SEMA3C: variants seen among roughly 807,000 people sequenced by gnomAD.
SEMA3C encodes semaphorin 3C.
A neutral mutation model predicts 89.4 loss-of-function variants in SEMA3C; 47 were observed. That is an observed-to-expected ratio of 0.53 (90% CI 0.42 to 0.67). The LOEUF is 0.67. Ranked by LOEUF, SEMA3C falls within the 30% of genes least tolerant of loss-of-function variation. SEMA3C has a pLI of 0.00. For missense variants in SEMA3C, 839 were observed against 929.1 expected (o/e 0.90, Z 1.26); for synonymous variants, 310 against 320.2 (o/e 0.97, Z 0.34).
At chr7:80,885,148 A>C (rs1436770289) in intron 2 of SEMA3C, among the ~76,000 whole-genome samples, 1 of 152,208 alleles carries the variant, frequency 6.6e-6, no homozygotes, top group Non-Finnish European at 1.5e-5. Context: ...ATAGTTTTGC[A>C]ACTCAGGATT....
chr7:80,904,568 C>T (rs1791961061), intron 2 of SEMA3C, among the ~76,000 whole-genome samples: 1 of 152,134 alleles, frequency 6.6e-6, no homozygotes, highest in Non-Finnish European at 1.5e-5. Flanking sequence ...AGAATCTCAA[C>T]TGTTGAGTAA....
At chr7:80,777,341 G>A (rs1235480114) in intron 12 of SEMA3C, among the ~76,000 whole-genome samples, 1 of 152,026 alleles carries the variant, frequency 6.6e-6, no homozygotes, top group South Asian at 2.1e-4. Context: ...ACCCAAGCTA[G>A]AGTACAGTGG....
At chr7:80,829,806 T>C (rs1054042015) in intron 2 of SEMA3C, among the ~76,000 whole-genome samples, 2 of 152,144 alleles carry the variant, frequency 1.3e-5, no homozygotes, top group South Asian at 2.1e-4. Context: ...AGCATAACTT[T>C]AGACTTTTCT....
intron 11 of SEMA3C, among the ~76,000 whole-genome samples, chr7:80,791,139 TGAACAGCG>T (rs1411613741): frequency 4.0e-5 from 6 of 151,888 alleles, no homozygotes; most frequent in African/African-American, 1.5e-4. Context: ...AAAGGACTGC[TGAACAGCG>T]TCAGCAGTTC....
chr7:80,766,499 C>A (rs1355524326), intron 12 of SEMA3C, among the ~76,000 whole-genome samples: 3 of 152,156 alleles, frequency 2.0e-5, no homozygotes, highest in African/African-American at 7.2e-5. Flanking sequence ...AGGGTGTACC[C>A]CAAATAGAGG....
At chr7:80,780,044 C>T (rs1788657029) in intron 12 of SEMA3C, among the ~76,000 whole-genome samples, 1 of 152,188 alleles carries the variant, frequency 6.6e-6, no homozygotes, top group Admixed American at 6.5e-5. Context: ...TTGATTACAA[C>T]CTTGTGATAC....
At position 80,752,082 on chromosome 7, in the gene SEMA3C, A is replaced by C. The variant is rs62460716; in HGVS notation, c.1644-746T>G. Among the ~76,000 whole-genome samples the C allele has an allele frequency of 9.9e-3, 1,503 of 152,326 alleles. 13 individuals are homozygous for C. Among genetic ancestry groups the C allele is most frequent in the Non-Finnish European group, 0.014 (979 of 68,022 alleles). The stretch of plus-strand genomic sequence containing the variant: ...TTAGAAAATAAGTTACAGATACAAT[A>C]ATGCTTCACCCGTAAGTGCTTTAGC... On this transcript the variant is annotated intron_variant, in intron 15 of 17. Transcript: ENST00000265361.
intron 2 of SEMA3C, among the ~76,000 whole-genome samples, chr7:80,832,988 C>T (rs1391430263): frequency 1.3e-5 from 2 of 152,092 alleles, no homozygotes; most frequent in Non-Finnish European, 2.9e-5. Context: ...TTTTTCCAAA[C>T]CATTATTTTT....
Position 80,909,025 on chromosome 7 carries a change from A to G in SEMA3C, c.103+7654T>C, listed in dbSNP as rs558780681. Among the ~76,000 whole-genome samples the G allele has an allele frequency of 7.4e-4, 113 of 152,280 alleles. 1 individual carries two copies. Among genetic ancestry groups the G allele is most frequent in the Middle Eastern group, 3.4e-3 (1 of 294 alleles). On this transcript the variant is annotated intron_variant, in intron 2 of 17. Coordinates refer to ENST00000265361, the MANE Select transcript of SEMA3C (RefSeq NM_006379.5). Reference sequence around the variant, plus strand: ...ATATACAAGAGAGTATACACTTAGGAAAGACTAAAACGGTATTCAAATATA... The same window carrying G: ...ATATACAAGAGAGTATACACTTAGGGAAGACTAAAACGGTATTCAAATATA...
chr7:80,818,899 G>A (rs1470851942), intron 4 of SEMA3C, among the ~76,000 whole-genome samples: 2 of 152,058 alleles, frequency 1.3e-5, no homozygotes, highest in East Asian at 3.9e-4. Context: ...AGTGGCTCAG[G>A]AATAGTCAAA....
chr7:80,843,800 CT>C (rs1260935956), intron 2 of SEMA3C, among the ~76,000 whole-genome samples: 1 of 152,030 alleles, frequency 6.6e-6, no homozygotes, highest in African/African-American at 2.4e-5. Flanking sequence ...ATTATGATAT[CT>C]CAAGATTCTA....
intron 4 of SEMA3C, among the ~76,000 whole-genome samples, chr7:80,820,903 A>G (rs1253376395): frequency 6.6e-6 from 1 of 152,166 alleles, no homozygotes; most frequent in Non-Finnish European, 1.5e-5. Context: ...TAAATAATTC[A>G]ATCCAATTCC....
rs113353403 is a variant in SEMA3C, at chr7:80,844,947, A to G, written c.104-16202T>C. ...CTTCTAAATCTTTGTATCTTTGTGA[A>G]ATGTCTTTCCTTTGTCAGGGGGTTC... On this transcript the variant is annotated intron_variant, in intron 2 of 17. Transcript: ENST00000265361. 5.8e-3 allele frequency among the ~76,000 whole-genome samples: 885 copies of G among 152,246 alleles called. 9 individuals are homozygous for G. Among genetic ancestry groups the G allele is most frequent in the African/African-American group, 0.02 (842 of 41,538 alleles).
intron 11 of SEMA3C, among the ~76,000 whole-genome samples, chr7:80,791,682 T>C (rs1453648898): frequency 6.6e-6 from 1 of 152,156 alleles, no homozygotes; most frequent in Non-Finnish European, 1.5e-5. Flanking sequence ...CAGCAGAAGA[T>C]AGAATGTGGA....
chr7:80,920,872 T>G (rs1391815784), upstream of SEMA3C, among the ~76,000 whole-genome samples: 6 of 152,280 alleles, frequency 3.9e-5, no homozygotes, highest in East Asian at 9.6e-4. Flanking sequence ...TCCACTATTA[T>G]CCTCCTTCTG....
At chr7:80,763,231 T>C (rs1788225723) in intron 13 of SEMA3C, among the ~76,000 whole-genome samples, 1 of 152,222 alleles carries the variant, frequency 6.6e-6, no homozygotes, top group Non-Finnish European at 1.5e-5. Flanking sequence ...CATTGAATTT[T>C]CTGCAGTACA....
chr7:80,831,192 T>C (rs1430172705), intron 2 of SEMA3C, among the ~76,000 whole-genome samples: 1 of 152,184 alleles, frequency 6.6e-6, no homozygotes, highest in Non-Finnish European at 1.5e-5. Context: ...ATAACTGAGT[T>C]CATGGCCTCT....
chr7:80,801,873 A>G lies in SEMA3C; in HGVS notation c.916+792T>C, dbSNP rs775883879. 3.4e-4 allele frequency among the ~76,000 whole-genome samples: 52 copies of G among 152,120 alleles called. 1 individual carries two copies. The highest frequency in any genetic ancestry group is 5.0e-4 in the Non-Finnish European group (34 of 68,000). ...TAGAAACTTTTGTTCCATAATCAAC[A>G]TAATGGTTTTTGATCAGAAGAACGA... On this transcript the variant is annotated intron_variant, in intron 9 of 17. Transcript: ENST00000265361.
In SEMA3C at chr7:80,916,834, C is replaced by G; in HGVS notation, c.-38-15G>C. ...AGGGAAAATACCTTTAAGAGAGAGA[C>G]AACATGTTTGTTATATCTCATTTCA... On this transcript the variant is annotated splice_polypyrimidine_tract_variant and intron_variant, in intron 1 of 17. Coordinates refer to ENST00000265361, the MANE Select transcript of SEMA3C (RefSeq NM_006379.5). The G allele has an allele frequency of 6.2e-7, 1 of 1,602,334 alleles. No homozygotes were observed. Among genetic ancestry groups the G allele is most frequent in the East Asian group, 2.2e-5 (1 of 44,702 alleles).
Sources: allele counts gnomAD v4.1 joint callset (sites outside exome capture counted in the v4.1 genomes callset), GRCh38; gene constraint gnomAD v4.1.1; transcripts MANE v1.5; gene names NCBI Gene and HGNC (gene_info 2026-07-23, HGNC 2026-07-21).